Variants in FRMD6 observed in about 807,000 individuals in gnomAD.
The protein encoded by FRMD6 is FERM domain-containing protein 6.
FRMD6 carries 37 observed loss-of-function variants against 73.2 expected under a neutral mutation model. That is an observed-to-expected ratio of 0.51 (90% CI 0.39 to 0.66). The LOEUF (loss-of-function observed/expected upper bound fraction) is 0.66. Among genes scored for constraint, FRMD6 ranks in the 30% least tolerant of loss-of-function variants. The pLI is 0.00. For synonymous variants in FRMD6, 273 were observed against 282.2 expected (o/e 0.97, Z 0.33); for missense variants, 714 against 780.5 (o/e 0.91, Z 1.02).
intron 1 of FRMD6, among the ~76,000 whole-genome samples, chr14:51,524,450 G>A (rs1885123152): frequency 1.3e-5 from 2 of 151,928 alleles, no homozygotes; most frequent in Non-Finnish European, 2.9e-5. Flanking sequence ...ACCTCTGGGG[G>A]CAAGGAGAGG....
intron 2 of FRMD6, among the ~76,000 whole-genome samples, chr14:51,622,589 C>G (rs1177402333): frequency 6.6e-6 from 1 of 152,148 alleles, no homozygotes. Flanking sequence ...TTATTTCCTG[C>G]CCTAGAGCTT....
intron 1 of FRMD6, among the ~76,000 whole-genome samples, chr14:51,507,657 T>A (rs1884049672): frequency 6.6e-6 from 1 of 152,142 alleles, no homozygotes; most frequent in African/African-American, 2.4e-5. Context: ...CCCCTCTCCC[T>A]TCCCCACTAA....
chr14:51,412,903 G>A, the FRMD6 span, among the ~76,000 whole-genome samples: 1 of 151,464 alleles, frequency 6.6e-6, no homozygotes, highest in Non-Finnish European at 1.5e-5. Flanking sequence ...ATGGGACAGA[G>A]TAACAATCAG....
At chr14:51,519,567 G>A (rs1414700594) in intron 1 of FRMD6, among the ~76,000 whole-genome samples, 1 of 152,206 alleles carries the variant, frequency 6.6e-6, no homozygotes, top group Non-Finnish European at 1.5e-5. Context: ...TGAGAGCTTA[G>A]AAGAAGCTTG....
intron 2 of FRMD6, among the ~76,000 whole-genome samples, chr14:51,631,448 T>C (rs1029837039): frequency 1.3e-5 from 2 of 152,248 alleles, no homozygotes; most frequent in Non-Finnish European, 2.9e-5. Flanking sequence ...GAAAAAGTAA[T>C]ACTTTTTATC....
intron 2 of FRMD6, among the ~76,000 whole-genome samples, chr14:51,603,490 C>CA (rs1324024660): frequency 1.3e-5 from 2 of 151,652 alleles, no homozygotes; most frequent in Non-Finnish European, 2.9e-5. Flanking sequence ...TTACAGTGAA[C>CA]AAATACTACT....
intron 1 of FRMD6, among the ~76,000 whole-genome samples, chr14:51,676,028 C>T (rs1006631884): frequency 2.0e-5 from 3 of 151,702 alleles, no homozygotes; most frequent in Admixed American, 1.3e-4. Context: ...CTTAACTTTC[C>T]GTTTAAAAAT....
At chr14:51,574,813 T>A (rs945742855) in intron 2 of FRMD6, among the ~76,000 whole-genome samples, 17 of 152,162 alleles carry the variant, frequency 1.1e-4, no homozygotes, top group African/African-American at 4.1e-4. Context: ...TTAAAATAAC[T>A]AAAAGAATAT....
chr14:51,623,328 A>G (rs141446994), intron 2 of FRMD6, among the ~76,000 whole-genome samples: 11 of 152,356 alleles, frequency 7.2e-5, no homozygotes, highest in Non-Finnish European at 1.2e-4. Flanking sequence ...ATTTTGAACC[A>G]GCCTGTCATT....
intron 1 of FRMD6, among the ~76,000 whole-genome samples, chr14:51,668,490 G>C (rs1309207534): frequency 6.6e-6 from 1 of 151,768 alleles, no homozygotes; most frequent in East Asian, 1.9e-4. Flanking sequence ...ATTTTTAGTA[G>C]AGACAGAGTT....
intron 1 of FRMD6, among the ~76,000 whole-genome samples, chr14:51,656,160 T>G (rs902860012): frequency 1.8e-4 from 27 of 152,236 alleles, no homozygotes; most frequent in African/African-American, 6.5e-4. Context: ...TGCAAGTTTG[T>G]GTATGATCAC....
chr14:51,486,329 C>T (rs1882760868), upstream of FRMD6, among the ~76,000 whole-genome samples: 2 of 152,142 alleles, frequency 1.3e-5, no homozygotes, highest in East Asian at 1.9e-4. Context: ...CCACCATGCC[C>T]GGCCTGCAAG....
chr14:51,597,939 G>C (rs980886091), intron 2 of FRMD6, among the ~76,000 whole-genome samples: 3 of 152,152 alleles, frequency 2.0e-5, no homozygotes, highest in African/African-American at 7.2e-5. Context: ...TGGAAACAAG[G>C]ATGATTCAAA....
At chr14:51,525,274 A>G (rs1461422214) in intron 1 of FRMD6, among the ~76,000 whole-genome samples, 1 of 151,496 alleles carries the variant, frequency 6.6e-6, no homozygotes, top group South Asian at 2.1e-4. Context: ...ATTTTTATTT[A>G]TTTATTTTTT....
At chr14:51,411,929 G>T in the FRMD6 span, among the ~76,000 whole-genome samples, 5 of 152,070 alleles carry the variant, frequency 3.3e-5, no homozygotes, top group African/African-American at 1.2e-4. Context: ...CAATTTGAAG[G>T]TATAACATTT....
intron 2 of FRMD6, among the ~76,000 whole-genome samples, chr14:51,595,384 A>G (rs1889654033): frequency 6.6e-6 from 1 of 152,212 alleles, no homozygotes; most frequent in South Asian, 2.1e-4. Flanking sequence ...TCCTTAACAG[A>G]GTCTGGGAAA....
chr14:51,547,646 A>C (rs1886550436), intron 1 of FRMD6: 1 of 152,200 alleles, frequency 6.6e-6, no homozygotes. Context: ...ATCCCCTGGG[A>C]ACTTTCTTTC....
chr14:51,602,317 A>G (rs1171560822), intron 2 of FRMD6, among the ~76,000 whole-genome samples: 1 of 152,114 alleles, frequency 6.6e-6, no homozygotes, highest in Admixed American at 6.6e-5. Flanking sequence ...TTGGAAAGAG[A>G]ATTCTCACAA....
At chr14:51,585,366 A>C (rs1596657948) in intron 2 of FRMD6, among the ~76,000 whole-genome samples, 1 of 152,244 alleles carries the variant, frequency 6.6e-6, no homozygotes, top group South Asian at 2.1e-4. Context: ...TTTTTTATGC[A>C]ATCTCACAAC....
Sources: allele counts gnomAD v4.1 joint callset (sites outside exome capture counted in the v4.1 genomes callset), GRCh38; gene constraint gnomAD v4.1.1; transcripts MANE v1.5; gene names NCBI Gene and HGNC (gene_info 2026-07-23, HGNC 2026-07-21).